CPNE4: variants seen among roughly 807,000 people sequenced by gnomAD.
CPNE4 encodes the protein copine-4.
In CPNE4, 25 loss-of-function variants were observed where a neutral mutation model predicts 67.9. That is an observed-to-expected ratio of 0.37 (90% CI 0.27 to 0.51). CPNE4 has a LOEUF of 0.51. Ranked by LOEUF, CPNE4 falls within the 20% of genes least tolerant of loss-of-function variation. CPNE4 has a pLI of 0.93. For missense variants in CPNE4, 464 were observed against 690.8 expected, an observed-to-expected ratio of 0.67 and a Z score of 3.68; for synonymous variants, 242 against 244.9, an observed-to-expected ratio of 0.99 and a Z score of 0.11.
At chr3:131,700,186 TGA>T (rs907702006) in intron 3 of CPNE4, among the ~76,000 whole-genome samples, 1 of 151,726 alleles carries the variant, frequency 6.6e-6, no homozygotes, top group Non-Finnish European at 1.5e-5. Context: ...GTGTGTGATA[TGA>T]GAGAGTTAGT....
At chr3:131,700,007 A>C in intron 3 of CPNE4, 27 bp from the exon 4 acceptor site, 1 of 1,579,320 alleles carries the variant, frequency 6.3e-7, no homozygotes, top group East Asian at 2.2e-5. Context: ...AAAAGGTAAC[A>C]AAAGGTAGAG....
At chr3:132,024,166 C>T (rs1338422114) in intron 1 of CPNE4, among the ~76,000 whole-genome samples, 5 of 151,010 alleles carry the variant, frequency 3.3e-5, no homozygotes, top group Admixed American at 3.3e-4. Context: ...TCACTGCAAC[C>T]TGTGCCTCCT....
chr3:131,762,583 C>T lies in CPNE4; in HGVS notation c.181-38958G>A, dbSNP rs144294081. Among the ~76,000 whole-genome samples the T allele has an allele frequency of 1.6e-3, 236 of 151,948 alleles. 1 individual carries two copies. In the East Asian group the frequency reaches 0.022, roughly 14 times the overall value. On this transcript the variant is annotated intron_variant, in intron 2 of 15. Coordinates refer to ENST00000429747, the MANE Select transcript of CPNE4 (RefSeq NM_130808.3). ...AACAGTGAATGTGAGAGAAAAAAAA[C>T]GTAGATTCATGGAATTTATATCTGA...
intron 1 of CPNE4, among the ~76,000 whole-genome samples, chr3:131,940,395 T>C (rs760114415): frequency 7.9e-5 from 12 of 151,806 alleles, no homozygotes; most frequent in Non-Finnish European, 1.6e-4. Flanking sequence ...GTAACTTGTT[T>C]TGTCTTTATA....
chr3:131,678,405 T>C (rs58969630), intron 6 of CPNE4, among the ~76,000 whole-genome samples: 3,548 of 152,262 alleles, frequency 0.023, 152 homozygotes, highest in African/African-American at 0.08. Context: ...ACTTCCTCTC[T>C]TCCTATTTGA....
intron 2 of CPNE4, among the ~76,000 whole-genome samples, chr3:131,835,332 C>A (rs2085512570): frequency 6.6e-6 from 1 of 152,166 alleles, no homozygotes; most frequent in Non-Finnish European, 1.5e-5. Flanking sequence ...AGTTTGAGAC[C>A]ATTCTGGCCA....
intron 3 of CPNE4, among the ~76,000 whole-genome samples, chr3:131,709,332 A>G (rs1190719750): frequency 6.6e-6 from 1 of 152,108 alleles, no homozygotes; most frequent in African/African-American, 2.4e-5. Flanking sequence ...TGTCCGGAGG[A>G]AGAGCCTGGG....
chr3:131,875,602 G>A (rs1391494161), intron 2 of CPNE4, among the ~76,000 whole-genome samples: 1 of 151,586 alleles, frequency 6.6e-6, no homozygotes, highest in African/African-American at 2.4e-5. Flanking sequence ...AACACCGCAT[G>A]TTCTCACTCA....
chr3:131,942,461 TGTGAGAGAGAGAGA>T lies in CPNE4; in HGVS notation c.-1-37031_-1-37018del, dbSNP rs1479872860. Among the ~76,000 whole-genome samples the T allele has an allele frequency of 9.4e-3, 541 of 57,502 alleles. 2 individuals carry two copies. Among genetic ancestry groups the T allele is most frequent in the Middle Eastern group, 0.02 (2 of 102 alleles). The allele number at this position is 57,502 out of a possible 152,430, so 37.7% of individuals were successfully genotyped here. ...GTGTGTGTGTGTGTGTGTGTGTGTG[TGTGAGAGAGAGAGA>T]GAGAGAGAGAGAGAGAGAGAGAGAG... On this transcript the variant is annotated intron_variant, in intron 1 of 15. Transcript: ENST00000429747.
At chr3:131,988,892 A>G (rs1398570184) in intron 1 of CPNE4, among the ~76,000 whole-genome samples, 2 of 152,200 alleles carry the variant, frequency 1.3e-5, no homozygotes, top group Non-Finnish European at 2.9e-5. Flanking sequence ...AGGCCCACTT[A>G]TGTTTCACTG....
chr3:131,730,824 G>C (rs528635578), intron 2 of CPNE4, among the ~76,000 whole-genome samples: 1 of 152,226 alleles, frequency 6.6e-6, no homozygotes, highest in East Asian at 1.9e-4. Context: ...AACCAGTTCT[G>C]CTGACATTCT....
chr3:131,784,259 G>T (rs1200460107), intron 2 of CPNE4, among the ~76,000 whole-genome samples: 1 of 151,956 alleles, frequency 6.6e-6, no homozygotes, highest in African/African-American at 2.4e-5. Context: ...ATCTTTGAGT[G>T]TTTCTGACTA....
chr3:131,934,853 A>G (rs1560628428), intron 1 of CPNE4, among the ~76,000 whole-genome samples: 1 of 152,118 alleles, frequency 6.6e-6, no homozygotes, highest in Non-Finnish European at 1.5e-5. Context: ...TAGAAAAGGG[A>G]TGCTTCTTCC....
At chr3:131,928,646 G>A (rs1384672285) in intron 1 of CPNE4, among the ~76,000 whole-genome samples, 2 of 152,158 alleles carry the variant, frequency 1.3e-5, no homozygotes, top group East Asian at 3.9e-4. Flanking sequence ...ATCACCACAA[G>A]GAAACAGAAC....
upstream of CPNE4, among the ~76,000 whole-genome samples, chr3:132,038,552 G>T (rs770522181): frequency 1.3e-5 from 2 of 152,094 alleles, no homozygotes; most frequent in Non-Finnish European, 2.9e-5. Context: ...CCACTAAATA[G>T]CTCTGTATAA....
chr3:131,751,913 A>T (rs73875007), intron 2 of CPNE4, among the ~76,000 whole-genome samples: 8,146 of 151,958 alleles, frequency 0.054, 712 homozygotes, highest in African/African-American at 0.18. Flanking sequence ...GAGGCTCCTT[A>T]TTACTGCTGG....
rs76473718 is a variant in CPNE4 at position 131,829,363 on chromosome 3, T to G, written c.180+75901A>C. On this transcript the variant is annotated intron_variant, in intron 2 of 15. Transcript: ENST00000429747. ...TTATATAGAATATCTTTGTTTTCTA[T>G]GTACACAAATAATATACATTTGAAA... 3.2e-3 allele frequency among the ~76,000 whole-genome samples: 487 copies of G among 152,330 alleles called. 4 individuals carry two copies. The highest frequency in any genetic ancestry group is 0.011 in the African/African-American group (466 of 41,576).
chr3:131,609,577 A>C (rs1448834034), intron 7 of CPNE4, among the ~76,000 whole-genome samples: 2 of 152,126 alleles, frequency 1.3e-5, no homozygotes, highest in East Asian at 3.9e-4. Flanking sequence ...ACTTGATTAG[A>C]TTTTTTTGAC....
At chr3:131,686,268 T>C (rs2080887048) in intron 5 of CPNE4, among the ~76,000 whole-genome samples, 1 of 152,236 alleles carries the variant, frequency 6.6e-6, no homozygotes, top group South Asian at 2.1e-4. Context: ...TTCAAAGTAT[T>C]CTTCAAAGAT....
Sources: gnomAD v4.1 joint callset for allele counts (sites outside exome capture counted in the v4.1 genomes callset) on GRCh38, gnomAD v4.1.1 for gene constraint, MANE v1.5 for transcripts, NCBI Gene and HGNC (gene_info 2026-07-23, HGNC 2026-07-21) for gene names.